The following CACNA1E variants were observed in gnomAD, a reference collection of about 807,000 sequenced individuals.
CACNA1E encodes the protein calcium voltage-gated channel subunit alpha1 E.
In CACNA1E, 40 loss-of-function variants were observed where a neutral mutation model predicts 259.2. That is an observed-to-expected ratio of 0.15 (90% CI 0.12 to 0.20). The LOEUF (loss-of-function observed/expected upper bound fraction) is 0.20. Ranked by LOEUF, CACNA1E falls within the 10% of genes least tolerant of loss-of-function variation. The pLI is 1.00. For missense variants in CACNA1E, 1,874 were observed against 3,040.1 expected (o/e 0.62, Z 9.02); for synonymous variants, 1,104 against 1,138.5 (o/e 0.97, Z 0.61).
intron 25 of CACNA1E, among the ~76,000 whole-genome samples, chr1:181,748,051 A>G (rs528842347): frequency 1.3e-5 from 2 of 152,348 alleles, no homozygotes; most frequent in East Asian, 3.9e-4. Context: ...TTCTGCAGCT[A>G]TTCCAATTCA....
chr1:181,631,308 A>T (rs74127808), intron 6 of CACNA1E, among the ~76,000 whole-genome samples: 2,542 of 152,300 alleles, frequency 0.017, 67 homozygotes, highest in African/African-American at 0.058. Context: ...GTCCAGGGTG[A>T]TGACTTTTGA....
intron 3 of CACNA1E, among the ~76,000 whole-genome samples, chr1:181,566,641 A>T (rs1649857157): frequency 6.6e-6 from 1 of 152,152 alleles, no homozygotes; most frequent in Non-Finnish European, 1.5e-5. Context: ...TCCTTTGGAG[A>T]CACGTTCAGG....
chr1:181,322,870 G>C (rs986596923), intron 1 of CACNA1E, among the ~76,000 whole-genome samples: 11 of 152,238 alleles, frequency 7.2e-5, no homozygotes, highest in Admixed American at 4.6e-4. Flanking sequence ...GGTAGTGACA[G>C]CAGCAGCTGA....
At chr1:181,463,052 T>C (rs948779417) in intron 2 of CACNA1E, among the ~76,000 whole-genome samples, 1 of 152,280 alleles carries the variant, frequency 6.6e-6, no homozygotes, top group African/African-American at 2.4e-5. Context: ...CATTTCCAAC[T>C]TTTATTAGGT....
chr1:181,692,629 T>TTATA (rs1651282487), intron 7 of CACNA1E, among the ~76,000 whole-genome samples: 1 of 152,106 alleles, frequency 6.6e-6, no homozygotes, highest in Admixed American at 6.6e-5. Context: ...GACCCTTACC[T>TTATA]CTCAATATAT....
intron 6 of CACNA1E, among the ~76,000 whole-genome samples, chr1:181,646,487 C>T (rs985448847): frequency 6.6e-6 from 1 of 152,136 alleles, no homozygotes; most frequent in African/African-American, 2.4e-5. Flanking sequence ...CTGAAAGGAC[C>T]ATGGAATCAG....
intron 1 of CACNA1E, among the ~76,000 whole-genome samples, chr1:181,342,550 C>A (rs571545223): frequency 9.2e-5 from 14 of 152,238 alleles, no homozygotes; most frequent in African/African-American, 3.4e-4. Flanking sequence ...TCCTAAATAT[C>A]ATGCTGAGGG....
chr1:181,364,612 A>G (rs1386568091), intron 1 of CACNA1E, among the ~76,000 whole-genome samples: 1 of 147,398 alleles, frequency 6.8e-6, no homozygotes, highest in Non-Finnish European at 1.5e-5. Flanking sequence ...AAGATTACGA[A>G]GATCTGGACA....
At chr1:181,383,782 A>G (rs1205880161) in intron 1 of CACNA1E, among the ~76,000 whole-genome samples, 6 of 152,212 alleles carry the variant, frequency 3.9e-5, no homozygotes, top group Admixed American at 2.0e-4. Context: ...CGGGGTATGA[A>G]CATGTGACCA....
intron 3 of CACNA1E, 144 bp downstream of exon 3, chr1:181,511,654 AG>A (rs34248458): frequency 1.1e-6 from 1 of 945,528 alleles, no homozygotes; most frequent in East Asian, 2.4e-5. Flanking sequence ...AAGATTCCCC[AG>A]GGTGCTGGAC....
chr1:181,696,847 G>T (rs1651760167), intron 7 of CACNA1E, among the ~76,000 whole-genome samples: 1 of 152,178 alleles, frequency 6.6e-6, no homozygotes, highest in Non-Finnish European at 1.5e-5. Flanking sequence ...ACTTGCAAAA[G>T]AATTTGACTA....
intron 1 of CACNA1E, among the ~76,000 whole-genome samples, chr1:181,330,553 G>A (rs1227402292): frequency 6.6e-6 from 1 of 152,240 alleles, no homozygotes; most frequent in African/African-American, 2.4e-5. Flanking sequence ...ATTCTGTCAT[G>A]TTCTGTCCCC....
rs138600572 is a variant in CACNA1E, at chr1:181,695,564, G to A, written c.1056-15390G>A. ...TGGAACAGATTAGAGAGCCCCTCAT[G>A]TATATTGGTGGTTGATTTGTGGCAA... On this transcript the variant is annotated intron_variant, in intron 7 of 47. Transcript: ENST00000367573. Among the ~76,000 whole-genome samples, 74 of 152,336 alleles carry A rather than the reference G, an allele frequency of 4.9e-4. No individual in the cohort carries two copies. In the East Asian group the frequency reaches 0.013, roughly 27 times the overall value.
At chr1:181,426,735 AAC>A (rs1659274705) in intron 2 of CACNA1E, among the ~76,000 whole-genome samples, 3 of 142,016 alleles carry the variant, frequency 2.1e-5, no homozygotes, top group Non-Finnish European at 3.0e-5. Context: ...ACCCCTTCAC[AAC>A]TCAGCCCCTT....
upstream of CACNA1E, among the ~76,000 whole-genome samples, chr1:181,479,127 A>G (rs1211519119): frequency 1.3e-5 from 2 of 152,174 alleles, no homozygotes; most frequent in African/African-American, 4.8e-5. Flanking sequence ...TGGTAACCCC[A>G]TCTTAACTTG....
intron 2 of CACNA1E, among the ~76,000 whole-genome samples, chr1:181,454,038 A>C (rs1486216052): frequency 6.6e-6 from 1 of 152,134 alleles, no homozygotes; most frequent in East Asian, 1.9e-4. Flanking sequence ...AATGATACCT[A>C]CCTTGATGGG....
chr1:181,445,604 T>G (rs1036270366), intron 2 of CACNA1E, among the ~76,000 whole-genome samples: 1 of 152,238 alleles, frequency 6.6e-6, no homozygotes, highest in African/African-American at 2.4e-5. Flanking sequence ...GTAATTGGTA[T>G]TACACCAGGA....
Position 181,758,853 on chromosome 1 carries a change from C to T in CACNA1E, c.4590C>T (p.Ile1530=), listed in dbSNP as rs776940576. ...VFSLECVLKV[I]AFGFLNYFRD... is the part of the protein sequence containing the mutation. ...CCCTGGAATGTGTCCTGAAGGTCAT[C>T]GCTTTTGGCTTTTTGGTATGTTGCT... Residue 1530 remains isoleucine (I), a synonymous_variant, in exon 32 of 48, where the codon ATC becomes ATT. Transcript: ENST00000367573. This position sits in a 1 kb window ranked among gnomAD's most constrained non-coding sequence, Gnocchi z 4.2. 1.9e-5 allele frequency: 30 copies of T among 1,605,604 alleles called. No individual in the cohort carries two copies. Among genetic ancestry groups the T allele is most frequent in the East Asian group, 2.2e-5 (1 of 44,846 alleles).
At chr1:181,458,478 G>A (rs762164912) in intron 2 of CACNA1E, among the ~76,000 whole-genome samples, 19 of 152,220 alleles carry the variant, frequency 1.2e-4, no homozygotes, top group Non-Finnish European at 1.8e-4. Context: ...ACTAAGATGG[G>A]ACCCTTGTCT....
Sources: allele counts gnomAD v4.1 joint callset (sites outside exome capture counted in the v4.1 genomes callset), GRCh38; gene constraint gnomAD v4.1.1; non-coding constraint Gnocchi (gnomAD v3.1); transcripts MANE v1.5; gene names NCBI Gene and HGNC (gene_info 2026-07-23, HGNC 2026-07-21).